Variants in SUPT3H observed in about 807,000 individuals in gnomAD.
The protein encoded by SUPT3H is transcription initiation protein SPT3 homolog.
In SUPT3H, 44 loss-of-function variants were observed where a neutral mutation model predicts 44.3. The observed-to-expected ratio is 0.99, with a 90% CI of 0.78 to 1.28. SUPT3H has a LOEUF of 1.28. Among genes scored for constraint, SUPT3H ranks in the 50% most tolerant of loss-of-function variants. The pLI is 0.00. For synonymous variants in SUPT3H, 124 were observed against 125.6 expected, an observed-to-expected ratio of 0.99 and a Z score of 0.09; for missense variants, 380 against 387.1, an observed-to-expected ratio of 0.98 and a Z score of 0.15.
chr6:45,222,031 T>A (rs1019687946), intron 2 of SUPT3H, among the ~76,000 whole-genome samples: 49 of 151,900 alleles, frequency 3.2e-4, no homozygotes, highest in Admixed American at 6.6e-4. Context: ...ATATAGGAAA[T>A]ATAACCTTTT....
At chr6:45,168,610 G>A (rs1324530) in intron 2 of SUPT3H, among the ~76,000 whole-genome samples, 129,115 of 152,106 alleles carry the variant, frequency 0.85, 55,045 homozygotes, top group African/African-American at 0.89. Context: ...TAAGACCTAA[G>A]GTAAAATCCT....
At chr6:45,102,689 C>T (rs1420972941) in intron 3 of SUPT3H, among the ~76,000 whole-genome samples, 1 of 152,078 alleles carries the variant, frequency 6.6e-6, no homozygotes, top group Non-Finnish European at 1.5e-5. Flanking sequence ...TGCTTGTAAT[C>T]GCAGCACTTT....
intron 2 of SUPT3H, among the ~76,000 whole-genome samples, chr6:45,139,633 T>C (rs1280371078): frequency 6.6e-6 from 1 of 152,106 alleles, no homozygotes; most frequent in African/African-American, 2.4e-5. Context: ...AATGTGAAAC[T>C]CCAGGTAACA....
intron 6 of SUPT3H, among the ~76,000 whole-genome samples, chr6:44,974,329 G>T (rs1778019722): frequency 6.6e-6 from 1 of 151,810 alleles, no homozygotes; most frequent in African/African-American, 2.4e-5. Flanking sequence ...GTGTGTGTTT[G>T]TGTTTGTGTA....
At chr6:45,140,358 C>G (rs73738612) in intron 2 of SUPT3H, among the ~76,000 whole-genome samples, 3,135 of 152,180 alleles carry the variant, frequency 0.021, 114 homozygotes, top group African/African-American at 0.071. Flanking sequence ...AGCCAGAATA[C>G]TTAGCATATT....
At chr6:45,296,409 CAG>C (rs1180919607) in intron 2 of SUPT3H, among the ~76,000 whole-genome samples, 1 of 151,690 alleles carries the variant, frequency 6.6e-6, no homozygotes, top group Non-Finnish European at 1.5e-5. Context: ...TTTGGGGACT[CAG>C]GGGGAAAGGG....
At chr6:45,175,350 C>G (rs1811559511) in intron 2 of SUPT3H, among the ~76,000 whole-genome samples, 1 of 152,098 alleles carries the variant, frequency 6.6e-6, no homozygotes, top group Non-Finnish European at 1.5e-5. Context: ...AACTTACAGT[C>G]ACGGTGAAAG....
chr6:44,934,214 T>C, intron 9 of SUPT3H, among the ~76,000 whole-genome samples: 1 of 152,190 alleles, frequency 6.6e-6, no homozygotes, highest in Non-Finnish European at 1.5e-5. Flanking sequence ...GATAGCAATT[T>C]GGCAAAATCT....
chr6:45,343,087 C>T (rs1790147531), intron 2 of SUPT3H, among the ~76,000 whole-genome samples: 1 of 152,208 alleles, frequency 6.6e-6, no homozygotes, highest in Non-Finnish European at 1.5e-5. Context: ...CTACACTGAT[C>T]TGACAAAAGC....
chr6:44,984,398 A>C (rs1779497494), intron 6 of SUPT3H, among the ~76,000 whole-genome samples: 1 of 152,094 alleles, frequency 6.6e-6, no homozygotes, highest in South Asian at 2.1e-4. Context: ...AGTGAATAAA[A>C]TTTTTATTTT....
intron 2 of SUPT3H, among the ~76,000 whole-genome samples, chr6:45,237,711 G>C (rs1769460549): frequency 6.6e-6 from 1 of 152,170 alleles, no homozygotes; most frequent in Non-Finnish European, 1.5e-5. Flanking sequence ...GCTAAGTAAA[G>C]AGAAAATGGA....
chr6:45,015,561 T>C (rs1583061908), intron 4 of SUPT3H, among the ~76,000 whole-genome samples: 1 of 152,102 alleles, frequency 6.6e-6, no homozygotes, highest in Non-Finnish European at 1.5e-5. Context: ...AAAATTTTTC[T>C]TTCTTCAATA....
intron 10 of SUPT3H, among the ~76,000 whole-genome samples, chr6:44,929,747 G>T (rs142257613): frequency 6.7e-6 from 1 of 149,484 alleles, no homozygotes; most frequent in Non-Finnish European, 1.5e-5. Flanking sequence ...CCCAATCATG[G>T]TAAGTTTCTA....
chr6:45,142,736 C>CAAAAAAAAAAAAAAAAAAAA (rs70993502), intron 2 of SUPT3H, among the ~76,000 whole-genome samples: 7 of 14,962 alleles, frequency 4.7e-4, no homozygotes, highest in South Asian at 5.5e-3. Context: ...AACTCCGTCT[C>CAAAAAAAAAAAAAAAAAAAA]AAAAAAAAAA....
chr6:44,882,662 C>T (rs1778440441), intron 10 of SUPT3H, among the ~76,000 whole-genome samples: 1 of 152,166 alleles, frequency 6.6e-6, no homozygotes, highest in Admixed American at 6.5e-5. Flanking sequence ...CCGGATCCAG[C>T]AGCACATTAA....
chr6:45,376,848 T>TACATACATATATATATAC (rs1377320349), intron 1 of SUPT3H, among the ~76,000 whole-genome samples: 3 of 152,186 alleles, frequency 2.0e-5, no homozygotes, highest in African/African-American at 7.2e-5. Flanking sequence ...TCCTTCCAAA[T>TACATACATATATATATAC]ACATACATAC....
At chr6:45,242,606 T>C (rs552547441) in intron 2 of SUPT3H, among the ~76,000 whole-genome samples, 181 of 152,282 alleles carry the variant, frequency 1.2e-3, no homozygotes, top group Middle Eastern at 3.4e-3. Context: ...ATAATGGCCC[T>C]AGAGTAAAAA....
rs1775040402 is a variant in SUPT3H, at chr6:44,955,798, G to GCCAC, written c.581-1192_581-1191insGTGG. Among the ~76,000 whole-genome samples, 11 of 152,210 alleles carry GCCAC rather than the reference G, an allele frequency of 7.2e-5. No individual in the cohort carries two copies. The South Asian group carries it at 2.3e-3, about 32-fold the overall frequency. On this transcript the variant is annotated intron_variant, in intron 7 of 10. Coordinates refer to ENST00000371459, the MANE Select transcript of SUPT3H (RefSeq NM_003599.4). ...AATATACACACTGCTCGGGTGATGG[G>GCCAC]TGCACCAAAACCTCAGAAATTGCTA...
At chr6:45,188,934 T>C (rs1036032234) in intron 2 of SUPT3H, among the ~76,000 whole-genome samples, 1 of 152,156 alleles carries the variant, frequency 6.6e-6, no homozygotes. Flanking sequence ...GGCAATATCA[T>C]TGGCACTTTT....
Sources: gnomAD v4.1 joint callset for allele counts (sites outside exome capture counted in the v4.1 genomes callset) on GRCh38, gnomAD v4.1.1 for gene constraint, MANE v1.5 for transcripts, NCBI Gene and HGNC (gene_info 2026-07-23, HGNC 2026-07-21) for gene names.